The following PRKCH variants were observed in gnomAD, a reference collection of about 807,000 sequenced individuals.
PRKCH encodes protein kinase C eta.
A neutral mutation model predicts 82.5 loss-of-function variants in PRKCH; 28 were observed. That is an observed-to-expected ratio of 0.34 (90% CI 0.25 to 0.47). The LOEUF (loss-of-function observed/expected upper bound fraction) is 0.47. Ranked by LOEUF, PRKCH falls within the 20% of genes least tolerant of loss-of-function variation. The probability of loss-of-function intolerance (pLI) is 1.00; values close to 1 mark genes in which losing one functional copy is unlikely to be tolerated. For synonymous variants in PRKCH, 322 were observed against 327.4 expected, an observed-to-expected ratio of 0.98 and a Z score of 0.18; for missense variants, 705 against 881.8, an observed-to-expected ratio of 0.80 and a Z score of 2.54.
At chr14:61,451,045 C>T in intron 6 of PRKCH, 74 bp downstream of exon 6, 1 of 1,534,148 alleles carries the variant, frequency 6.5e-7, no homozygotes, top group Non-Finnish European at 8.9e-7. Flanking sequence ...ATTCTGTGGA[C>T]TCAGAATCTG....
intron 1 of PRKCH, among the ~76,000 whole-genome samples, chr14:61,340,965 C>T (rs2045923907): frequency 6.6e-6 from 1 of 152,208 alleles, no homozygotes; most frequent in Admixed American, 6.5e-5. Context: ...CTTTTCCCCA[C>T]AATTACCACA....
intron 2 of PRKCH, among the ~76,000 whole-genome samples, chr14:61,405,687 A>G (rs902546521): frequency 6.6e-6 from 1 of 152,102 alleles, no homozygotes; most frequent in African/African-American, 2.4e-5. Context: ...CAAATCTTCT[A>G]TTCTTGAACT....
At chr14:61,379,564 C>T (rs886093881) in intron 1 of PRKCH, among the ~76,000 whole-genome samples, 1 of 152,222 alleles carries the variant, frequency 6.6e-6, no homozygotes, top group African/African-American at 2.4e-5. Flanking sequence ...TGAGAATCAA[C>T]AATGTAGAAT....
intron 10 of PRKCH, among the ~76,000 whole-genome samples, chr14:61,497,084 A>G (rs553018743): frequency 6.6e-6 from 1 of 152,306 alleles, no homozygotes; most frequent in Admixed American, 6.5e-5. Context: ...ATATCCTCAT[A>G]CATATTTATT....
At chr14:61,272,240 A>C (rs1329860251) in intron 1 of PRKCH, among the ~76,000 whole-genome samples, 1 of 49,658 alleles carries the variant, frequency 2.0e-5, no homozygotes, top group African/African-American at 7.4e-5. Context: ...AAAAAAAAAG[A>C]TGACATGAGA....
chr14:61,295,865 T>C (rs1041632905), intron 1 of PRKCH, among the ~76,000 whole-genome samples: 3 of 149,206 alleles, frequency 2.0e-5, no homozygotes, highest in Non-Finnish European at 4.5e-5. Flanking sequence ...ATTTTCACCC[T>C]TTTTTTTTTA....
chr14:61,213,587 G>T (rs2044597835), intron 1 of PRKCH, among the ~76,000 whole-genome samples: 1 of 152,212 alleles, frequency 6.6e-6, no homozygotes, highest in Non-Finnish European at 1.5e-5. Flanking sequence ...TAATGTAAAT[G>T]AATCTGGAAC....
intron 1 of PRKCH, among the ~76,000 whole-genome samples, chr14:61,381,790 C>G (rs540716358): frequency 2.6e-5 from 4 of 152,196 alleles, no homozygotes; most frequent in Non-Finnish European, 5.9e-5. Flanking sequence ...GCCCAGGCTC[C>G]CAGGGGAATG....
At chr14:61,533,962 A>G (rs1217290620) in intron 12 of PRKCH, among the ~76,000 whole-genome samples, 2 of 152,220 alleles carry the variant, frequency 1.3e-5, no homozygotes, top group Non-Finnish European at 2.9e-5. Context: ...AATTAGGCCA[A>G]TATAGTTATT....
At chr14:61,419,459 C>A (rs1050983398) in intron 2 of PRKCH, among the ~76,000 whole-genome samples, 1 of 150,644 alleles carries the variant, frequency 6.6e-6, no homozygotes, top group Non-Finnish European at 1.5e-5. Context: ...TGGCTTCTAC[C>A]CTCCAGATGA....
intron 1 of PRKCH, among the ~76,000 whole-genome samples, chr14:61,210,161 T>TATAAAA (rs1555369165): frequency 1.1e-5 from 1 of 95,150 alleles, no homozygotes; most frequent in Non-Finnish European, 2.2e-5. Context: ...TATATATATA[T>TATAAAA]AAATTAGCTT....
chr14:61,485,490 GT>G lies in PRKCH; in HGVS notation c.1279-9del. On this transcript the variant is annotated splice_polypyrimidine_tract_variant and intron_variant, in intron 9 of 13. Transcript: ENST00000332981. ...TACACCACATTGGGCCCTCTCTTGTGTTTGTATCCAGGATCGTCTGTTTTTT... is the reference window on the plus strand; with the variant it reads ...TACACCACATTGGGCCCTCTCTTGTGTTGTATCCAGGATCGTCTGTTTTTT... 1 of 1,613,168 alleles carries G rather than the reference GT, an allele frequency of 6.2e-7. No individual in the cohort carries two copies. The highest frequency in any genetic ancestry group is 8.5e-7 in the Non-Finnish European group (1 of 1,179,416).
At chr14:61,355,459 G>GTGAA (rs1017624470) in intron 1 of PRKCH, among the ~76,000 whole-genome samples, 8 of 151,960 alleles carry the variant, frequency 5.3e-5, no homozygotes, top group Admixed American at 3.9e-4. Flanking sequence ...AAGGGATAGT[G>GTGAA]TGATCTTTTG....
chr14:61,384,862 TTA>T (rs1384175852), intron 1 of PRKCH, among the ~76,000 whole-genome samples: 1 of 152,088 alleles, frequency 6.6e-6, no homozygotes, highest in Non-Finnish European at 1.5e-5. Flanking sequence ...GAAGTTGTGT[TTA>T]TGTTTTCTTC....
intron 1 of PRKCH, among the ~76,000 whole-genome samples, chr14:61,229,947 A>C (rs1241093972): frequency 6.6e-6 from 1 of 152,064 alleles, no homozygotes; most frequent in East Asian, 1.9e-4. Flanking sequence ...ATTTTCATAA[A>C]GGTTTTTTGG....
At chr14:61,193,031 G>A (rs1372408928) in intron 1 of PRKCH, among the ~76,000 whole-genome samples, 1 of 152,178 alleles carries the variant, frequency 6.6e-6, no homozygotes, top group Non-Finnish European at 1.5e-5. Context: ...TCTGTTAAGA[G>A]GGAGTATTTA....
chr14:61,193,973 A>T (rs1440372008), intron 1 of PRKCH, among the ~76,000 whole-genome samples: 1 of 152,024 alleles, frequency 6.6e-6, no homozygotes, highest in Non-Finnish European at 1.5e-5. Flanking sequence ...TAGGCCCACC[A>T]TGGCTGTCTA....
intron 9 of PRKCH, among the ~76,000 whole-genome samples, chr14:61,463,818 C>T (rs1376587328): frequency 6.6e-6 from 1 of 152,166 alleles, no homozygotes; most frequent in African/African-American, 2.4e-5. Flanking sequence ...TGAGATTAAG[C>T]TGCATTTGTC....
At chr14:61,355,490 C>T (rs2046136202) in intron 1 of PRKCH, among the ~76,000 whole-genome samples, 1 of 151,978 alleles carries the variant, frequency 6.6e-6, no homozygotes, top group African/African-American at 2.4e-5. Flanking sequence ...TTAAAAGATC[C>T]ACTTTCTTAT....
Sources: gnomAD v4.1 joint callset for allele counts (sites outside exome capture counted in the v4.1 genomes callset) on GRCh38, gnomAD v4.1.1 for gene constraint, MANE v1.5 for transcripts, NCBI Gene and HGNC (gene_info 2026-07-23, HGNC 2026-07-21) for gene names.